Variants in HINT1 observed in about 807,000 individuals in gnomAD.
HINT1 encodes the protein histidine triad nucleotide binding protein 1, also known as adenosine 5'-monophosphoramidase HINT1.
A neutral mutation model predicts 11.2 loss-of-function variants in HINT1; 12 were observed. The ratio of observed to expected loss-of-function variants is 1.07; its 90% confidence interval spans 0.69 to 1.74. The LOEUF (loss-of-function observed/expected upper bound fraction) is 1.74. Among genes scored for constraint, HINT1 ranks in the 40% most tolerant of loss-of-function variants. HINT1 has a pLI of 0.00. For missense variants in HINT1, 150 were observed against 161.8 expected (o/e 0.93, Z 0.40); for synonymous variants, 42 against 52.6 (o/e 0.80, Z 0.87).
chr5:131,161,567 C>A lies in HINT1; in HGVS notation c.216+1005G>T, dbSNP rs889440061. On this transcript the variant is annotated intron_variant, in intron 2 of 2. Transcript: ENST00000304043. ...CCGAGATCGTGCCATTGCACTCCAG[C>A]CTGGGCAACAAGAACGAAACTCCGT... is the stretch of plus-strand genomic sequence containing the variant. Among the ~76,000 whole-genome samples, 3 of 150,414 alleles carry A rather than the reference C, an allele frequency of 2.0e-5. No homozygotes were observed. The East Asian group carries it at 5.8e-4, about 29-fold the overall frequency.
rs192425471 is a variant in HINT1 at position 131,162,302 on chromosome 5, G to C, written c.216+270C>G. ...CCACTGCACTGCAGCCTGGGCGACA[G>C]AGCAAGACTCTGTCTCAAAAAAAAA... On this transcript the variant is annotated intron_variant, in intron 2 of 2. Coordinates refer to ENST00000304043, the MANE Select transcript of HINT1 (RefSeq NM_005340.7). The C allele has an allele frequency of 2.1e-3, 1,401 of 675,606 alleles. 7 individuals carry two copies. The highest frequency in any genetic ancestry group is 1.0e-2 in the Middle Eastern group (38 of 3,808). The allele number at this position is 675,606 out of a possible 1,614,324, so 41.9% of individuals were successfully genotyped here.
intron 2 of HINT1, 34 bp from the exon 3 acceptor site, chr5:131,159,645 C>A: frequency 6.3e-7 from 1 of 1,581,412 alleles, no homozygotes; most frequent in Non-Finnish European, 8.6e-7. Context: ...TAGGCACAGG[C>A]AATTTATTAC....
intron 1 of HINT1, 75 bp from the exon 2 acceptor site, chr5:131,162,751 T>G: frequency 1.1e-6 from 1 of 930,502 alleles, no homozygotes; most frequent in Non-Finnish European, 1.7e-6. Flanking sequence ...TCAACAAGTA[T>G]TTACTGAGCA....
Position 131,159,452 on chromosome 5 carries a change from C to A in HINT1, c.376G>T (p.Gly126Cys), listed in dbSNP as rs1193805968. 6.2e-7 allele frequency: 1 copy of A among 1,610,700 alleles called. No homozygotes were observed. The highest frequency in any genetic ancestry group is 2.2e-5 in the East Asian group (1 of 44,864). ...LGGRQMHWPP[G>C] The stretch of plus-strand genomic sequence containing the variant: ...AAATTATCCCCAAAACGTGCTTAAC[C>A]AGGAGGCCAATGCATTTGCCGACCT... The change falls in exon 3 of 3, where the codon GGT becomes TGT. Residue 126 changes from glycine to cysteine, a missense_variant. Transcript: ENST00000304043.
intron 2 of HINT1, among the ~76,000 whole-genome samples, chr5:131,161,172 T>C (rs1755238680): frequency 6.6e-6 from 1 of 152,214 alleles, no homozygotes; most frequent in Non-Finnish European, 1.5e-5. Context: ...GTAAAAGAGA[T>C]GACCTTAAAA....
rs145560078 is a variant in HINT1, at chr5:131,159,235, T to G, written c.*212A>C. The G allele has an allele frequency of 3.6e-4, 160 of 448,466 alleles. 1 individual carries two copies. The East Asian group carries it at 3.7e-3, about 10-fold the overall frequency. The allele number at this position is 448,466 out of a possible 1,614,324, so 27.8% of individuals were successfully genotyped here. A position where few individuals can be genotyped will look rare whatever the true frequency, so the allele number is the denominator to read the frequency against. Reference sequence around the variant, plus strand: ...AAAATTATAAACCCACCTTCACATATTCCAACAAATATGTTTTTAAAATAA... The same window carrying G: ...AAAATTATAAACCCACCTTCACATAGTCCAACAAATATGTTTTTAAAATAA... On this transcript the variant is annotated 3_prime_UTR_variant, in exon 3 of 3. Transcript: ENST00000304043.
chr5:131,159,551 C>G lies in HINT1; in HGVS notation c.277G>C (p.Gly93Arg). 1.2e-6 allele frequency: 2 copies of G among 1,613,818 alleles called. No individual in the cohort carries two copies. The highest frequency in any genetic ancestry group is 1.7e-6 in the Non-Finnish European group (2 of 1,179,882). Residue 93 changes from glycine (G) to arginine (R), a missense_variant, in exon 3 of 3, where the codon GGT (glycine) becomes CGT (arginine). Physicochemically the swap from Gly to Arg is moderately radical, Grantham distance 125. Transcript: ENST00000304043. ...CCTTCATTCACCACCATTCGATAAC[C>G]CTTATTCAGGCCCAGATCAGCAGCA... ...KCAADLGLNK[G>R]YRMVVNEGSD... is the part of the protein sequence containing the mutation.
At chr5:131,163,152 TG>T (rs1286798666) in intron 1 of HINT1, among the ~76,000 whole-genome samples, 1 of 152,196 alleles carries the variant, frequency 6.6e-6, no homozygotes, top group East Asian at 1.9e-4. Context: ...GGAAGTCTTA[TG>T]GGAAGACCAA....
In HINT1 at chr5:131,160,727, T is replaced by C. The variant is rs114258883; in HGVS notation, c.217-1116A>G. ...AATTGTAAGTTGGGGAAATTATGAT[T>C]TTTCAACTTTACAATGGTGTGGCGA... On this transcript the variant is annotated intron_variant, in intron 2 of 2. Transcript: ENST00000304043. The C allele has an allele frequency of 2.5e-6, 3 of 1,192,726 alleles. No individual in the cohort carries two copies. The South Asian group carries it at 3.9e-5, about 16-fold the overall frequency. The allele number at this position is 1,192,726 out of a possible 1,614,324, so 73.9% of individuals were successfully genotyped here.
Position 131,159,452 on chromosome 5 carries a change from CA to C in HINT1, c.375del (p.Gly126ValfsTer16), listed in dbSNP as rs1755193199. The C allele has an allele frequency of 5.6e-6, 9 of 1,610,700 alleles. No homozygotes were observed. The highest frequency in any genetic ancestry group is 7.6e-6 in the Non-Finnish European group (9 of 1,179,284). On this transcript the variant is annotated frameshift_variant, in exon 3 of 3. Transcript: ENST00000304043. LOFTEE classifies it high-confidence loss of function. ...AAATTATCCCCAAAACGTGCTTAAC[CA>C]GGAGGCCAATGCATTTGCCGACCTC... ...VLGGRQMHWP[P>X]G
chr5:131,164,388 G>GT (rs1424646305), intron 1 of HINT1, among the ~76,000 whole-genome samples: 1 of 152,224 alleles, frequency 6.6e-6, no homozygotes, highest in Non-Finnish European at 1.5e-5. Context: ...TCAGCTGTTT[G>GT]TAAGTCCAAA....
chr5:131,165,024 C>A (rs1194949284), intron 1 of HINT1, 71 bp downstream of exon 1: 1 of 1,601,780 alleles, frequency 6.2e-7, no homozygotes, highest in South Asian at 1.1e-5. Context: ...TCCTCTCCCT[C>A]CGCGAGAAAC....
At chr5:131,159,915 G>T (rs1049720898) in intron 2 of HINT1, among the ~76,000 whole-genome samples, 5 of 151,908 alleles carry the variant, frequency 3.3e-5, no homozygotes, top group African/African-American at 1.2e-4. Context: ...GCAGTGGCAC[G>T]ATCTCAGCTC....
At chr5:131,161,256 A>G (rs927301286) in intron 2 of HINT1, among the ~76,000 whole-genome samples, 4 of 152,212 alleles carry the variant, frequency 2.6e-5, no homozygotes, top group Non-Finnish European at 4.4e-5. Context: ...CATTTGAGTA[A>G]GAAGCTCTGA....
intron 2 of HINT1, among the ~76,000 whole-genome samples, chr5:131,161,902 G>A (rs756264121): frequency 7.9e-5 from 12 of 152,024 alleles, no homozygotes; most frequent in Non-Finnish European, 1.8e-4. Context: ...CCAACCCCTC[G>A]TCTTCCTCAG....
At chr5:131,161,917 C>T (rs1317032862) in intron 2 of HINT1, among the ~76,000 whole-genome samples, 1 of 152,196 alleles carries the variant, frequency 6.6e-6, no homozygotes, top group Non-Finnish European at 1.5e-5. Flanking sequence ...CCTCAGCCTA[C>T]TCAACATGAA....
intron 2 of HINT1, chr5:131,160,995 T>C: frequency 3.1e-6 from 1 of 323,770 alleles, no homozygotes; most frequent in Non-Finnish European, 6.3e-6. Flanking sequence ...TACAATATTT[T>C]CAACTTATGA....
chr5:131,159,673 C>T, intron 2 of HINT1, 62 bp from the exon 3 acceptor site: 1 of 1,454,388 alleles, frequency 6.9e-7, no homozygotes, highest in Middle Eastern at 1.8e-4. Flanking sequence ...CATTAAATAA[C>T]AAACTGTCAA....
At chr5:131,161,609 A>G (rs1399641037) in intron 2 of HINT1, among the ~76,000 whole-genome samples, 3 of 152,104 alleles carry the variant, frequency 2.0e-5, no homozygotes, top group African/African-American at 7.2e-5. Context: ...AAAAAAAAAA[A>G]AAGAAAAAAA....
Sources: allele counts gnomAD v4.1 joint callset (sites outside exome capture counted in the v4.1 genomes callset), GRCh38; gene constraint gnomAD v4.1.1; transcripts MANE v1.5; gene names NCBI Gene and HGNC (gene_info 2026-07-23, HGNC 2026-07-21).